The following NXPE4 variants were observed in gnomAD, a reference collection of about 807,000 sequenced individuals.
NXPE4 encodes the protein NXPE family member 4.
Under a neutral mutation model 33.3 loss-of-function variants are expected in NXPE4, and 42 were observed. The observed-to-expected ratio is 1.26, with a 90% CI of 0.98 to 1.63. The LOEUF (loss-of-function observed/expected upper bound fraction) is 1.63. Among genes scored for constraint, NXPE4 ranks in the 40% most tolerant of loss-of-function variants. NXPE4 has a pLI of 0.00. For missense variants in NXPE4, 709 were observed against 647.6 expected, an observed-to-expected ratio of 1.09 and a Z score of -1.03; for synonymous variants, 253 against 234.9, an observed-to-expected ratio of 1.08 and a Z score of -0.71.
At chr11:114,666,439 C>G in the NXPE4 span, among the ~76,000 whole-genome samples, 2 of 152,070 alleles carry the variant, frequency 1.3e-5, no homozygotes, top group Non-Finnish European at 2.9e-5. Flanking sequence ...TTGATTATTA[C>G]TATCAAAGTA....
the NXPE4 span, among the ~76,000 whole-genome samples, chr11:114,652,527 G>T: frequency 1.3e-5 from 2 of 152,162 alleles, no homozygotes; most frequent in Non-Finnish European, 2.9e-5. Context: ...ATCTCTAAGG[G>T]CTGTTTTGAG....
At chr11:114,638,691 C>T in the NXPE4 span, among the ~76,000 whole-genome samples, 2 of 152,024 alleles carry the variant, frequency 1.3e-5, no homozygotes, top group Non-Finnish European at 1.5e-5. Flanking sequence ...CAGACAGGAC[C>T]GTCAGCTGCA....
chr11:114,629,466 A>C, the NXPE4 span, among the ~76,000 whole-genome samples: 4 of 151,480 alleles, frequency 2.6e-5, no homozygotes, highest in Admixed American at 6.6e-5. Flanking sequence ...GACAAAATTC[A>C]ACAACCCTTC....
At chr11:114,647,960 A>G in the NXPE4 span, among the ~76,000 whole-genome samples, 1 of 152,116 alleles carries the variant, frequency 6.6e-6, no homozygotes, top group Non-Finnish European at 1.5e-5. Flanking sequence ...TTGGCCTCCC[A>G]AAGTTCTGGG....
At chr11:114,650,834 G>A in the NXPE4 span, among the ~76,000 whole-genome samples, 2 of 147,118 alleles carry the variant, frequency 1.4e-5, no homozygotes, top group African/African-American at 4.9e-5. Context: ...GGCTGGACCC[G>A]GAAAACAGAG....
chr11:114,677,299 C>T, the NXPE4 span, among the ~76,000 whole-genome samples: 14,021 of 148,332 alleles, frequency 0.095, 765 homozygotes, highest in Middle Eastern at 0.2. Context: ...TAAAAATAAC[C>T]ATGTTAGGTG....
the NXPE4 span, among the ~76,000 whole-genome samples, chr11:114,624,276 C>T: frequency 0.19 from 29,312 of 151,912 alleles, 3,397 homozygotes; most frequent in African/African-American, 0.33. Flanking sequence ...AATATTGCCT[C>T]GTGAGTAACC....
At chr11:114,602,269 T>C in the NXPE4 span, among the ~76,000 whole-genome samples, 2 of 118,340 alleles carry the variant, frequency 1.7e-5, no homozygotes, top group African/African-American at 6.8e-5. Context: ...ATATAATATA[T>C]ATTATACTAT....
chr11:114,675,209 C>T, the NXPE4 span, among the ~76,000 whole-genome samples: 2 of 151,752 alleles, frequency 1.3e-5, no homozygotes, highest in Non-Finnish European at 2.9e-5. Context: ...TAATATCATA[C>T]TCAATGGTGA....
At chr11:114,628,181 C>A in the NXPE4 span, among the ~76,000 whole-genome samples, 1 of 144,506 alleles carries the variant, frequency 6.9e-6, no homozygotes. Flanking sequence ...TAATAGACAT[C>A]TACAGAACTC....
At position 114,582,800 on chromosome 11, in the gene NXPE4, G is replaced by C. The variant is rs1949185480; in HGVS notation, c.318C>G (p.Asn106Lys). The C allele has an allele frequency of 6.2e-7, 1 of 1,614,184 alleles. No homozygotes were observed. The highest frequency in any genetic ancestry group is 8.5e-7 in the Non-Finnish European group (1 of 1,180,024). The change falls in exon 3 of 6, where the codon AAC becomes AAG. Residue 106 changes from asparagine to lysine, a missense_variant. Transcript: ENST00000375478. ...CTCCCCTGCAGTACGTATCTCGAGG[G>C]TTGAGGATGGTGGCTGTGCTATGTG... is the stretch of plus-strand genomic sequence containing the variant. ...SATHSTATIL[N>K]PRDTYCRGDQ... is the part of the protein sequence containing the mutation.
the NXPE4 span, among the ~76,000 whole-genome samples, chr11:114,610,973 G>A: frequency 6.6e-6 from 1 of 150,668 alleles, no homozygotes; most frequent in Non-Finnish European, 1.5e-5. Context: ...GTGTTGCCTC[G>A]TGGGTAACCA....
chr11:114,637,763 C>T, the NXPE4 span, among the ~76,000 whole-genome samples: 2 of 151,744 alleles, frequency 1.3e-5, no homozygotes, highest in Admixed American at 6.6e-5. Context: ...GTTGAAAATT[C>T]TTCTCTTTAA....
the NXPE4 span, among the ~76,000 whole-genome samples, chr11:114,635,446 T>C: frequency 4.0e-5 from 6 of 151,676 alleles, no homozygotes; most frequent in African/African-American, 1.5e-4. Flanking sequence ...CCTAATTGAA[T>C]ACCCTTTATT....
At chr11:114,658,375 G>A in the NXPE4 span, among the ~76,000 whole-genome samples, 1,251 of 152,270 alleles carry the variant, frequency 8.2e-3, 18 homozygotes, top group African/African-American at 0.028. Flanking sequence ...GAGCACAGAC[G>A]TAAAGAGACT....
intron 5 of NXPE4, among the ~76,000 whole-genome samples, chr11:114,574,409 A>G (rs1948953658): frequency 6.6e-6 from 1 of 152,090 alleles, no homozygotes; most frequent in Non-Finnish European, 1.5e-5. Context: ...AATAAATGAA[A>G]CAAAAAGCTG....
At chr11:114,643,480 G>C in the NXPE4 span, among the ~76,000 whole-genome samples, 3 of 152,170 alleles carry the variant, frequency 2.0e-5, no homozygotes, top group South Asian at 2.1e-4. Flanking sequence ...TATATGGCTA[G>C]GCAGTTTTCC....
At chr11:114,655,530 G>C in the NXPE4 span, among the ~76,000 whole-genome samples, 1 of 152,142 alleles carries the variant, frequency 6.6e-6, no homozygotes, top group Non-Finnish European at 1.5e-5. Context: ...TCCAGTTTCA[G>C]TTTTCTGCAT....
intron 5 of NXPE4, among the ~76,000 whole-genome samples, chr11:114,573,234 C>A (rs960400346): frequency 6.6e-6 from 1 of 152,064 alleles, no homozygotes; most frequent in African/African-American, 2.4e-5. Context: ...GTTATCAAAG[C>A]ACACCAAAAT....
Sources: allele counts gnomAD v4.1 joint callset (sites outside exome capture counted in the v4.1 genomes callset), GRCh38; gene constraint gnomAD v4.1.1; transcripts MANE v1.5; gene names NCBI Gene and HGNC (gene_info 2026-07-23, HGNC 2026-07-21).